TMEM68: variants seen among roughly 807,000 people sequenced by gnomAD.
TMEM68 encodes the protein transmembrane protein 68.
Under a neutral mutation model 36.9 loss-of-function variants are expected in TMEM68, and 25 were observed. The observed-to-expected ratio is 0.68, with a 90% CI of 0.49 to 0.95. TMEM68 has a LOEUF of 0.95. TMEM68 is among the 40% of genes least tolerant of loss of function. TMEM68 has a pLI of 0.00. For missense variants in TMEM68, 333 were observed against 392.0 expected (o/e 0.85, Z 1.27); for synonymous variants, 131 against 124.4 (o/e 1.05, Z -0.35).
At chr8:55,743,682 C>A in intron 6 of TMEM68, 62 bp from the exon 7 acceptor site, 1 of 1,432,258 alleles carries the variant, frequency 7.0e-7, no homozygotes, top group Non-Finnish European at 9.3e-7. Flanking sequence ...TAACTGTAAA[C>A]TTTCAAATTA....
chr8:55,769,018 T>TTAACAAAAAAAAAAAAAA (rs1554556017), intron 1 of TMEM68, among the ~76,000 whole-genome samples: 1 of 82,094 alleles, frequency 1.2e-5, no homozygotes. Flanking sequence ...ACTCTGTCTT[T>TTAACAAAAAAAAAAAAAA]AAAAAAAAAA....
chr8:55,754,429 C>G (rs1184933971), intron 4 of TMEM68, among the ~76,000 whole-genome samples: 1 of 120,406 alleles, frequency 8.3e-6, no homozygotes, highest in Non-Finnish European at 1.7e-5. Context: ...GGTGACAGAG[C>G]AAGACTCTGT....
chr8:55,761,517 AC>A (rs1304068278), intron 3 of TMEM68: 6 of 152,168 alleles, frequency 3.9e-5, no homozygotes, highest in Admixed American at 3.9e-4. Context: ...TGGGGTTGTA[AC>A]CTGGCCCTAT....
At chr8:55,769,075 A>C (rs1343565329) in intron 1 of TMEM68, among the ~76,000 whole-genome samples, 1 of 148,280 alleles carries the variant, frequency 6.7e-6, no homozygotes, top group African/African-American at 2.5e-5. Context: ...CTGTAATCCC[A>C]GCACTTTGGG....
chr8:55,745,981 A>G (rs963829890), intron 5 of TMEM68: 1 of 152,118 alleles, frequency 6.6e-6, no homozygotes, highest in East Asian at 1.9e-4. Context: ...AAAAGTAACT[A>G]TAAGACTCAA....
At chr8:55,772,237 C>A (rs13265995) in intron 1 of TMEM68, among the ~76,000 whole-genome samples, 54,666 of 152,034 alleles carry the variant, frequency 0.36, 11,899 homozygotes, top group Non-Finnish European at 0.48. Context: ...GGCCAAAATA[C>A]TATTGAAAAT....
intron 1 of TMEM68, chr8:55,772,990 G>T (rs545155815): frequency 2.0e-5 from 3 of 152,562 alleles, no homozygotes; most frequent in Non-Finnish European, 4.4e-5. Flanking sequence ...GGTTTAGAGC[G>T]CCAGGGGAGA....
In TMEM68 at chr8:55,739,509, G is replaced by C. The variant is rs991806450; in HGVS notation, c.*623C>G. The C allele has an allele frequency of 1.3e-5, 2 of 152,446 alleles. No homozygotes were observed. The highest frequency in any genetic ancestry group is 4.8e-5 in the African/African-American group (2 of 41,392). 9.4% of individuals were successfully genotyped at this position (152,446 alleles called of 1,614,324 possible). A position where few individuals can be genotyped will look rare whatever the true frequency, so the allele number is the denominator to read the frequency against. ...CATGACATAATTTAAACACACAATG[G>C]AGAAAATATATACATAACTGCTAAA... is the stretch of plus-strand genomic sequence containing the variant. On this transcript the variant is annotated 3_prime_UTR_variant, in exon 8 of 8. Coordinates refer to ENST00000434581, the MANE Select transcript of TMEM68 (RefSeq NM_001286657.2).
chr8:55,742,834 C>CA (rs1250390291), intron 7 of TMEM68, among the ~76,000 whole-genome samples: 1 of 149,654 alleles, frequency 6.7e-6, no homozygotes, highest in African/African-American at 2.5e-5. Context: ...TTTATACTCT[C>CA]TGAAAGTATA....
chr8:55,742,486 T>C (rs1563425447), intron 7 of TMEM68, among the ~76,000 whole-genome samples: 1 of 152,228 alleles, frequency 6.6e-6, no homozygotes, highest in Non-Finnish European at 1.5e-5. Context: ...AAAATATAAA[T>C]CAGACTATAT....
At chr8:55,758,959 A>T (rs1356519946) in intron 3 of TMEM68, among the ~76,000 whole-genome samples, 1 of 152,248 alleles carries the variant, frequency 6.6e-6, no homozygotes, top group African/African-American at 2.4e-5. Context: ...TAAAGATTTG[A>T]TATTAGTAAC....
intron 1 of TMEM68, among the ~76,000 whole-genome samples, chr8:55,765,131 AAT>A (rs1390923846): frequency 6.6e-6 from 1 of 152,184 alleles, no homozygotes; most frequent in Non-Finnish European, 1.5e-5. Context: ...GATCATTTAG[AAT>A]GCAACATAGC....
chr8:55,746,864 T>C (rs1810294896), intron 5 of TMEM68: 1 of 152,244 alleles, frequency 6.6e-6, no homozygotes. Flanking sequence ...TTGTTCACTG[T>C]TGTATAGCAC....
chr8:55,760,881 A>G (rs1810770046), intron 3 of TMEM68: 3 of 152,208 alleles, frequency 2.0e-5, no homozygotes, highest in Admixed American at 6.5e-5. Flanking sequence ...ATTTACTTTA[A>G]GCTCTACAAA....
chr8:55,751,680 T>C, intron 4 of TMEM68: 1 of 239,532 alleles, frequency 4.2e-6, no homozygotes, highest in South Asian at 4.7e-5. Context: ...ATTTTTAAAA[T>C]AGCAAACATC....
chr8:55,746,519 T>A (rs1180637938), intron 5 of TMEM68: 3 of 151,880 alleles, frequency 2.0e-5, no homozygotes, highest in Admixed American at 2.0e-4. Context: ...AGATAAAAAA[T>A]TGAATGAAAC....
intron 3 of TMEM68, chr8:55,761,433 G>A (rs867318469): frequency 2.0e-4 from 31 of 152,090 alleles, no homozygotes; most frequent in African/African-American, 6.3e-4. Flanking sequence ...CCTCCCTCAA[G>A]ACTCTACACT....
intron 1 of TMEM68, among the ~76,000 whole-genome samples, chr8:55,770,343 T>G (rs1329483811): frequency 3.3e-5 from 5 of 152,144 alleles, no homozygotes; most frequent in Non-Finnish European, 7.4e-5. Flanking sequence ...TGAATTTACC[T>G]GGGGGTGTAA....
intron 4 of TMEM68, among the ~76,000 whole-genome samples, chr8:55,752,844 C>T (rs1810461877): frequency 6.6e-6 from 1 of 151,406 alleles, no homozygotes; most frequent in African/African-American, 2.4e-5. Context: ...CTCACTCAGC[C>T]TCCCAAGTAG....
Sources: allele counts gnomAD v4.1 joint callset (sites outside exome capture counted in the v4.1 genomes callset), GRCh38; gene constraint gnomAD v4.1.1; transcripts MANE v1.5; gene names NCBI Gene and HGNC (gene_info 2026-07-23, HGNC 2026-07-21).